Variants in CYP7B1 observed in about 807,000 individuals in gnomAD.
CYP7B1 encodes cytochrome P450 7B1.
In CYP7B1, 29 loss-of-function variants were observed where a neutral mutation model predicts 42.7. The observed-to-expected ratio is 0.68, with a 90% CI of 0.51 to 0.93. The LOEUF (loss-of-function observed/expected upper bound fraction) is 0.93, where lower values mean the gene tolerates loss of function less well. Among genes scored for constraint, CYP7B1 ranks in the 40% least tolerant of loss-of-function variants. The pLI, the probability that CYP7B1 is intolerant of heterozygous loss-of-function variation, is 0.00. For missense variants in CYP7B1, 655 were observed against 600.5 expected, an observed-to-expected ratio of 1.09 and a Z score of -0.95; for synonymous variants, 235 against 218.2, an observed-to-expected ratio of 1.08 and a Z score of -0.68.
At chr8:64,634,290 C>T (rs1023496882) in intron 1 of CYP7B1, among the ~76,000 whole-genome samples, 1 of 151,996 alleles carries the variant, frequency 6.6e-6, no homozygotes, top group African/African-American at 2.4e-5. Context: ...TATTTTGGGG[C>T]TGGGTGTGGT....
intron 1 of CYP7B1, among the ~76,000 whole-genome samples, chr8:64,629,987 T>C: frequency 6.6e-6 from 1 of 152,138 alleles, no homozygotes; most frequent in South Asian, 2.1e-4. Flanking sequence ...TGTATTGCTC[T>C]GCCAGGAAAT....
At chr8:64,759,671 A>G (rs768595268) in intron 1 of CYP7B1, among the ~76,000 whole-genome samples, 2 of 152,216 alleles carry the variant, frequency 1.3e-5, no homozygotes, top group Admixed American at 6.5e-5. Flanking sequence ...CATTGAGATC[A>G]TGGAATACAA....
chr8:64,739,372 G>A (rs891469380), intron 1 of CYP7B1, among the ~76,000 whole-genome samples: 5 of 152,150 alleles, frequency 3.3e-5, no homozygotes, highest in African/African-American at 1.2e-4. Flanking sequence ...TCTATTTAAG[G>A]AAGAATTCCT....
chr8:64,619,483 T>C (rs746387241), intron 2 of CYP7B1, among the ~76,000 whole-genome samples: 4 of 152,208 alleles, frequency 2.6e-5, no homozygotes, highest in African/African-American at 4.8e-5. Flanking sequence ...TTGTCTAAAA[T>C]ATAAATGTCA....
intron 1 of CYP7B1, among the ~76,000 whole-genome samples, chr8:64,779,402 T>A (rs1433831850): frequency 6.6e-6 from 1 of 152,104 alleles, no homozygotes; most frequent in Non-Finnish European, 1.5e-5. Flanking sequence ...GTGTTGGCCA[T>A]CCCTATTACA....
At chr8:64,754,271 G>A (rs1398861900) in intron 1 of CYP7B1, among the ~76,000 whole-genome samples, 3 of 152,164 alleles carry the variant, frequency 2.0e-5, no homozygotes, top group African/African-American at 7.2e-5. Flanking sequence ...ATTACATCAC[G>A]AAAGCCCTGC....
intron 1 of CYP7B1, among the ~76,000 whole-genome samples, chr8:64,741,659 T>C (rs780510810): frequency 3.3e-5 from 5 of 152,168 alleles, no homozygotes; most frequent in Non-Finnish European, 7.3e-5. Context: ...AGCAAGGTTA[T>C]AGGATACAAG....
intron 1 of CYP7B1, among the ~76,000 whole-genome samples, chr8:64,755,969 A>G (rs1208834411): frequency 1.3e-5 from 2 of 152,196 alleles, no homozygotes; most frequent in Admixed American, 6.5e-5. Flanking sequence ...AAAAAGAGGT[A>G]CAGGTGGTGG....
intron 1 of CYP7B1, among the ~76,000 whole-genome samples, chr8:64,673,965 T>A (rs935275775): frequency 1.3e-5 from 2 of 152,078 alleles, no homozygotes; most frequent in African/African-American, 4.8e-5. Flanking sequence ...AAAAACAGCA[T>A]AAAATATCTG....
At chr8:64,654,782 C>T (rs73241682) in intron 1 of CYP7B1, among the ~76,000 whole-genome samples, 4,692 of 152,196 alleles carry the variant, frequency 0.031, 259 homozygotes, top group African/African-American at 0.11. Flanking sequence ...TGCTACAGGG[C>T]TACAGTTACC....
intron 1 of CYP7B1, among the ~76,000 whole-genome samples, chr8:64,749,938 C>T (rs1379537404): frequency 7.9e-5 from 12 of 152,174 alleles, no homozygotes; most frequent in Admixed American, 7.9e-4. Flanking sequence ...GGTGAGGTAT[C>T]TTTTTATTGT....
intron 2 of CYP7B1, 101 bp downstream of exon 2, chr8:64,624,302 A>T: frequency 8.9e-7 from 1 of 1,122,304 alleles, no homozygotes; most frequent in Non-Finnish European, 1.3e-6. Context: ...AAATAAAAAT[A>T]TACAAATATT....
intron 1 of CYP7B1, among the ~76,000 whole-genome samples, chr8:64,762,272 G>T (rs1426374251): frequency 6.6e-6 from 1 of 152,132 alleles, no homozygotes; most frequent in Non-Finnish European, 1.5e-5. Flanking sequence ...AGCTACAGAA[G>T]TTTAATACTG....
At chr8:64,798,428 C>G (rs1262097421) in intron 1 of CYP7B1, 38 bp downstream of exon 1, 2 of 1,491,460 alleles carry the variant, frequency 1.3e-6, no homozygotes, top group Non-Finnish European at 1.8e-6. Flanking sequence ...CCCGCGGGGC[C>G]CAGGGCGCAT....
chr8:64,743,979 G>A (rs1807606383), intron 1 of CYP7B1, among the ~76,000 whole-genome samples: 1 of 152,100 alleles, frequency 6.6e-6, no homozygotes, highest in Non-Finnish European at 1.5e-5. Flanking sequence ...TGGCACCTCA[G>A]GTCATCATTC....
intron 1 of CYP7B1, among the ~76,000 whole-genome samples, chr8:64,758,103 G>C (rs1012915923): frequency 6.6e-6 from 1 of 152,110 alleles, no homozygotes; most frequent in Non-Finnish European, 1.5e-5. Flanking sequence ...TGCTTTCAGG[G>C]GAATGCAGGC....
intron 1 of CYP7B1, among the ~76,000 whole-genome samples, chr8:64,660,827 C>T (rs1453970724): frequency 1.3e-5 from 2 of 152,194 alleles, no homozygotes; most frequent in Admixed American, 1.3e-4. Context: ...TGAGAGGCAT[C>T]ATAGTAGGCT....
rs182830018 is a variant in CYP7B1, at chr8:64,599,015, C to T, written c.1234-2086G>A. On this transcript the variant is annotated intron_variant, in intron 5 of 5. Transcript: ENST00000310193. ...AACCAATGTTAAGAAGGGCCTGTGT[C>T]AGCTGCTAGGGGTACAGTTTTGTTT... Among the ~76,000 whole-genome samples, 718 of 152,242 alleles carry T rather than the reference C, an allele frequency of 4.7e-3. 1 individual carries two copies. Among genetic ancestry groups the T allele is most frequent in the Non-Finnish European group, 7.3e-3 (494 of 68,020 alleles).
At chr8:64,768,602 A>T (rs1161127495) in intron 1 of CYP7B1, among the ~76,000 whole-genome samples, 4 of 152,222 alleles carry the variant, frequency 2.6e-5, no homozygotes, top group Non-Finnish European at 5.9e-5. Context: ...CTCTGTGCAC[A>T]TGAAACTCTA....
Sources: gnomAD v4.1 joint callset for allele counts (sites outside exome capture counted in the v4.1 genomes callset) on GRCh38, gnomAD v4.1.1 for gene constraint, MANE v1.5 for transcripts, NCBI Gene and HGNC (gene_info 2026-07-23, HGNC 2026-07-21) for gene names.